CSMD1: variants seen among roughly 807,000 people sequenced by gnomAD.
CSMD1 encodes the protein CUB and sushi domain-containing protein 1.
Under a neutral mutation model 417.5 loss-of-function variants are expected in CSMD1, and 213 were observed. That is an observed-to-expected ratio of 0.51 (90% CI 0.46 to 0.57). The LOEUF (loss-of-function observed/expected upper bound fraction) is 0.57. Among genes scored for constraint, CSMD1 ranks in the 20% least tolerant of loss-of-function variants. CSMD1 has a pLI of 0.00. For missense variants in CSMD1, 6,923 were observed against 4,529.7 expected, an observed-to-expected ratio of 1.53 and a Z score of -15.17; for synonymous variants, 2,862 against 1,736.8, an observed-to-expected ratio of 1.65 and a Z score of -16.11.
chr8:4,277,785 T>C (rs752207824), intron 3 of CSMD1, among the ~76,000 whole-genome samples: 35 of 152,214 alleles, frequency 2.3e-4, no homozygotes, highest in Non-Finnish European at 4.7e-4. Context: ...TCTCACTCTG[T>C]TGCCCAGGCT....
chr8:4,698,700 G>A (rs972231656), intron 1 of CSMD1, among the ~76,000 whole-genome samples: 13 of 150,952 alleles, frequency 8.6e-5, no homozygotes, highest in African/African-American at 3.2e-4. Flanking sequence ...TCTGTACGGG[G>A]GAGCATTTTC....
chr8:3,382,062 A>G (rs1810663962), intron 18 of CSMD1, among the ~76,000 whole-genome samples: 1 of 152,114 alleles, frequency 6.6e-6, no homozygotes, highest in Non-Finnish European at 1.5e-5. Context: ...GTTCGAGACC[A>G]GCCTGGCCAA....
chr8:4,107,795 CT>C (rs1272569166), intron 3 of CSMD1, among the ~76,000 whole-genome samples: 1 of 152,212 alleles, frequency 6.6e-6, no homozygotes, highest in Non-Finnish European at 1.5e-5. Context: ...CTGTTAATAA[CT>C]GACAGGCAAT....
chr8:3,946,873 G>T (rs562777073), intron 5 of CSMD1, among the ~76,000 whole-genome samples: 1 of 152,052 alleles, frequency 6.6e-6, no homozygotes, highest in Non-Finnish European at 1.5e-5. Flanking sequence ...CTCATTGCTT[G>T]TATCGATTTA....
chr8:3,973,782 C>T (rs1036156667), intron 5 of CSMD1, among the ~76,000 whole-genome samples: 1 of 152,174 alleles, frequency 6.6e-6, no homozygotes, highest in Non-Finnish European at 1.5e-5. Flanking sequence ...ATTTGAGACA[C>T]AGTATCTATT....
At chr8:4,208,268 A>G (rs1563275214) in intron 3 of CSMD1, among the ~76,000 whole-genome samples, 1 of 152,162 alleles carries the variant, frequency 6.6e-6, no homozygotes, top group Admixed American at 6.5e-5. Flanking sequence ...GGTCAAATAC[A>G]CAGAGGACAA....
At chr8:4,120,687 G>C (rs1017471871) in intron 3 of CSMD1, among the ~76,000 whole-genome samples, 9 of 152,170 alleles carry the variant, frequency 5.9e-5, no homozygotes, top group Admixed American at 3.9e-4. Flanking sequence ...AGTAAGTTTA[G>C]ATGCCAAATA....
chr8:4,274,636 A>G (rs1796372243), intron 3 of CSMD1, among the ~76,000 whole-genome samples: 1 of 152,164 alleles, frequency 6.6e-6, no homozygotes, highest in South Asian at 2.1e-4. Flanking sequence ...TCGAACAAAA[A>G]TCTATAGGTC....
intron 3 of CSMD1, among the ~76,000 whole-genome samples, chr8:4,056,549 T>TTATTATTAA (rs1370860075): frequency 2.9e-4 from 44 of 152,140 alleles, no homozygotes; most frequent in African/African-American, 1.0e-3. Flanking sequence ...ATTATTATTA[T>TTATTATTAA]TATAGTTTAA....
chr8:3,384,922 A>T (rs1585085887), intron 18 of CSMD1, among the ~76,000 whole-genome samples: 1 of 120,870 alleles, frequency 8.3e-6, no homozygotes, highest in African/African-American at 3.3e-5. Flanking sequence ...TATATTACAT[A>T]TGCTAATATA....
At chr8:3,719,249 C>A (rs927229639) in intron 6 of CSMD1, among the ~76,000 whole-genome samples, 1 of 151,992 alleles carries the variant, frequency 6.6e-6, no homozygotes, top group African/African-American at 2.4e-5. Flanking sequence ...GCAAGGTGAA[C>A]AACGTTTTTA....
At chr8:3,282,787 TATA>T (rs1259572914) in intron 26 of CSMD1, among the ~76,000 whole-genome samples, 1 of 152,168 alleles carries the variant, frequency 6.6e-6, no homozygotes, top group East Asian at 1.9e-4. Flanking sequence ...TAACCTCAAT[TATA>T]TTAGCAACCT....
chr8:4,426,018 T>C (rs1797530053), intron 2 of CSMD1, among the ~76,000 whole-genome samples: 1 of 151,922 alleles, frequency 6.6e-6, no homozygotes, highest in African/African-American at 2.4e-5. Flanking sequence ...TTAAAATGTG[T>C]TTTCCAAATC....
intron 69 of CSMD1, among the ~76,000 whole-genome samples, chr8:2,942,107 A>C (rs1320345662): frequency 6.6e-6 from 1 of 152,144 alleles, no homozygotes; most frequent in African/African-American, 2.4e-5. Flanking sequence ...GCTCTCACTC[A>C]TGAGTGGGAG....
intron 47 of CSMD1, among the ~76,000 whole-genome samples, chr8:3,093,382 T>C (rs1377160253): frequency 6.6e-6 from 1 of 152,026 alleles, no homozygotes; most frequent in Admixed American, 6.6e-5. Context: ...AAATTTCTGT[T>C]GAGGCTAGGC....
At chr8:3,779,150 TGTGTG>T (rs1799045059) in intron 5 of CSMD1, among the ~76,000 whole-genome samples, 1 of 16,540 alleles carries the variant, frequency 6.0e-5, no homozygotes, top group African/African-American at 2.2e-4. Context: ...CGTGCATACT[TGTGTG>T]TGTGTGTGTG....
At chr8:3,269,392 A>T (rs1801670285) in intron 26 of CSMD1, among the ~76,000 whole-genome samples, 1 of 152,230 alleles carries the variant, frequency 6.6e-6, no homozygotes, top group South Asian at 2.1e-4. Context: ...TCAACCACAC[A>T]GGCTTACGGC....
At chr8:4,243,209 G>C (rs376741310) in intron 3 of CSMD1, among the ~76,000 whole-genome samples, 2 of 152,020 alleles carry the variant, frequency 1.3e-5, no homozygotes, top group African/African-American at 4.8e-5. Context: ...ATGGCAGAGC[G>C]ATTGGCTATT....
At chr8:4,595,387 C>CTTTTTTTTTTTTTTTTTCTT in intron 2 of CSMD1, among the ~76,000 whole-genome samples, 2 of 147,342 alleles carry the variant, frequency 1.4e-5, no homozygotes, top group South Asian at 2.2e-4. Flanking sequence ...CATTCATTTT[C>CTTTTTTTTTTTTTTTTTCTT]ATTCCATCCA....
Sources: allele counts gnomAD v4.1 joint callset (sites outside exome capture counted in the v4.1 genomes callset), GRCh38; gene constraint gnomAD v4.1.1; transcripts MANE v1.5; gene names NCBI Gene and HGNC (gene_info 2026-07-23, HGNC 2026-07-21).